Variants in ZACN observed in about 807,000 individuals in gnomAD.
The protein encoded by ZACN is zinc activated ion channel, also known as ligand-gated cation channel ZACN.
A neutral mutation model predicts 38.9 loss-of-function variants in ZACN; 52 were observed. That is an observed-to-expected ratio of 1.34 (90% CI 1.07 to 1.68). ZACN has a LOEUF of 1.68. Among genes scored for constraint, ZACN ranks in the 40% most tolerant of loss-of-function variants. ZACN has a pLI of 0.00. For synonymous variants in ZACN, 235 were observed against 227.4 expected (o/e 1.03, Z -0.30); for missense variants, 559 against 525.6 (o/e 1.06, Z -0.62).
intron 8 of ZACN, 87 bp downstream of exon 8, chr17:76,082,136 G>C (rs963434082): frequency 4.1e-5 from 60 of 1,448,776 alleles, no homozygotes; most frequent in Admixed American, 5.4e-5. Context: ...TGTGGGTAGA[G>C]GCCCCTTGCA....
At position 76,080,307 on chromosome 17, in the gene ZACN, G is replaced by A. The variant is rs202236062; in HGVS notation, c.427G>A (p.Gly143Ser). 25 of 1,613,796 alleles carry A rather than the reference G, an allele frequency of 1.5e-5. No individual in the cohort carries two copies. Among genetic ancestry groups the A allele is most frequent in the Middle Eastern group, 1.6e-4 (1 of 6,062 alleles). ...QSPQARVDQDGHVKLNLALAT... is the reference protein window; with the variant it reads ...QSPQARVDQDSHVKLNLALAT... ...CCCCCAGGCTCGAGTAGACCAGGACGGCCACGTGAAGCTCAACCTGGCCCT... is the reference window on the plus strand; with the variant it reads ...CCCCCAGGCTCGAGTAGACCAGGACAGCCACGTGAAGCTCAACCTGGCCCT... The change falls in exon 5 of 9, where the codon GGC (glycine) becomes AGC (serine). Residue 143 changes from glycine to serine, a missense_variant. Coordinates refer to ENST00000334586, the MANE Select transcript of ZACN (RefSeq NM_180990.4).
rs951183698 is a variant in ZACN at position 76,082,777 on chromosome 17, G to A, written c.*124G>A. ...CTCCCTCCGCTAGCACACAAGCACA[G>A]AGCGTGAAATAAACCCATCTCCAGT... On this transcript the variant is annotated 3_prime_UTR_variant, in exon 9 of 9. Transcript: ENST00000334586. 6 of 962,954 alleles carry A rather than the reference G, an allele frequency of 6.2e-6. No homozygotes were observed. The African/African-American group carries it at 8.3e-5, about 13-fold the overall frequency. 59.7% of individuals were successfully genotyped at this position (962,954 alleles called of 1,614,324 possible).
At chr17:76,079,667 G>A (rs548207801) in intron 2 of ZACN, 35 bp from the exon 3 acceptor site, 58 of 1,611,566 alleles carry the variant, frequency 3.6e-5, no homozygotes, top group Non-Finnish European at 4.4e-5. Context: ...TCAACACAGC[G>A]CTCACCCTGA....
Position 76,080,427 on chromosome 17 carries a change from G to A in ZACN, c.544+3G>A. 6.2e-7 allele frequency: 1 copy of A among 1,613,506 alleles called. No individual in the cohort carries two copies. Among genetic ancestry groups the A allele is most frequent in the Non-Finnish European group, 8.5e-7 (1 of 1,179,974 alleles). On this transcript the variant is annotated splice_donor_region_variant and intron_variant, in intron 5 of 8. Transcript: ENST00000334586. The stretch of plus-strand genomic sequence containing the variant: ...CTTCTACGCTCTCAGCAACACGGGT[G>A]CTGACAGGGCAGGGGCTGCAGGGTT...
chr17:76,080,102 C>T (rs1242943151), intron 4 of ZACN, 108 bp downstream of exon 4: 9 of 1,468,578 alleles, frequency 6.1e-6, no homozygotes, highest in South Asian at 5.2e-5. Context: ...TGGCGGTCCC[C>T]GCCGGACTAG....
At position 76,080,402 on chromosome 17, in the gene ZACN, C is replaced by T; in HGVS notation, c.522C>T (p.Ser174=). The T allele has an allele frequency of 6.2e-7, 1 of 1,614,032 alleles. No individual in the cohort carries two copies. Among genetic ancestry groups the T allele is most frequent in the East Asian group, 2.2e-5 (1 of 44,878 alleles). Residue 174 remains serine, a synonymous_variant, in exon 5 of 9, where the codon AGC becomes AGT. Transcript: ENST00000334586. ...FPRDHSNCSL[S]FYALSNTAME... ...GGGACCACAGCAACTGCAGCCTCAG[C>T]TTCTACGCTCTCAGCAACACGGGTG...
chr17:76,082,357 T>G (rs2067018219), intron 8 of ZACN, 106 bp from the exon 9 acceptor site: 2 of 1,229,906 alleles, frequency 1.6e-6, no homozygotes, highest in East Asian at 4.8e-5. Context: ...CAGCTGAGAA[T>G]CTAAGAAAGG....
In ZACN at chr17:76,082,139, C is replaced by T; in HGVS notation, c.1048+90C>T. 4 of 1,414,702 alleles carry T rather than the reference C, an allele frequency of 2.8e-6. No individual in the cohort carries two copies. In the South Asian group the frequency reaches 4.0e-5, roughly 14 times the overall value. The allele number at this position is 1,414,702 out of a possible 1,614,324, so 87.6% of individuals were successfully genotyped here. A position where few individuals can be genotyped will look rare whatever the true frequency, so the allele number is the denominator to read the frequency against. On this transcript the variant is annotated intron_variant, in intron 8 of 8. Transcript: ENST00000334586. ...CGGAGGTCCAGGTGTGGGTAGAGGC[C>T]CCTTGCATCCACCCTGCTGGCTCTC...
intron 8 of ZACN, 147 bp downstream of exon 8, chr17:76,082,196 T>C (rs1288360449): frequency 1.9e-6 from 2 of 1,079,864 alleles, no homozygotes; most frequent in East Asian, 2.6e-5. Flanking sequence ...TCCTCCTCCC[T>C]TAGAAGAAAC....
chr17:76,081,270 C>G lies in ZACN; in HGVS notation c.545-8C>G. ...TCCTGGTTCATAGTTCTCATTCCCACCCCTCAGCGATGGAGTTAGAGTTCC... is the reference window on the plus strand; with the variant it reads ...TCCTGGTTCATAGTTCTCATTCCCAGCCCTCAGCGATGGAGTTAGAGTTCC... On this transcript the variant is annotated splice_region_variant and splice_polypyrimidine_tract_variant and intron_variant, in intron 5 of 8. Transcript: ENST00000334586. The G allele has an allele frequency of 6.2e-7, 1 of 1,613,382 alleles. No homozygotes were observed. Among genetic ancestry groups the G allele is most frequent in the Non-Finnish European group, 8.5e-7 (1 of 1,179,874 alleles).
chr17:76,082,327 G>A, intron 8 of ZACN, 136 bp from the exon 9 acceptor site: 1 of 992,188 alleles, frequency 1.0e-6, no homozygotes. Flanking sequence ...GCCTGAAATG[G>A]GCCAGACCCA....
chr17:76,080,787 CAG>C, intron 5 of ZACN: 1 of 486,158 alleles, frequency 2.1e-6, no homozygotes, highest in Non-Finnish European at 4.1e-6. Context: ...ATGGCGACTG[CAG>C]TGGCTCGGCC....
In ZACN at chr17:76,082,290, A is replaced by C. The variant is rs947134528; in HGVS notation, c.1049-173A>C. ...TGATAACCCATGCCTTGCACAGCCT[A>C]AGAGGGTGTTTCTTCAACTGAAGAT... On this transcript the variant is annotated intron_variant, in intron 8 of 8. Coordinates refer to ENST00000334586, the MANE Select transcript of ZACN (RefSeq NM_180990.4). 7 of 788,526 alleles carry C rather than the reference A, an allele frequency of 8.9e-6. No individual in the cohort carries two copies. In the African/African-American group the frequency reaches 1.0e-4, roughly 12 times the overall value. 48.8% of individuals were successfully genotyped at this position (788,526 alleles called of 1,614,324 possible).
intron 3 of ZACN, 27 bp from the exon 4 acceptor site, chr17:76,079,861 G>C (rs1284530568): frequency 1.3e-6 from 2 of 1,587,478 alleles, no homozygotes. Flanking sequence ...GAGAGCAGGA[G>C]CCTCAGTGGT....
At chr17:76,080,501 G>A (rs764511927) in intron 5 of ZACN, 77 bp downstream of exon 5, 1 of 1,575,722 alleles carries the variant, frequency 6.3e-7, no homozygotes, top group African/African-American at 1.3e-5. Flanking sequence ...GGTCTGTGGT[G>A]CAGGGGCAGG....
intron 8 of ZACN, 61 bp downstream of exon 8, chr17:76,082,110 G>A: frequency 6.6e-7 from 1 of 1,521,088 alleles, no homozygotes. Flanking sequence ...CTGGGGTGAG[G>A]GCACGGAGGT....
Position 76,079,552 on chromosome 17 carries a change from G to A in ZACN, c.211G>A (p.Val71Met), listed in dbSNP as rs372863119. The change falls in exon 2 of 9, where the codon GTG becomes ATG. Residue 71 changes from valine to methionine, a missense_variant. By Grantham distance (21) the Val-to-Met change is conservative. Coordinates refer to ENST00000334586, the MANE Select transcript of ZACN (RefSeq NM_180990.4). ...GGATGTGCGGGTGTTTGTCTCCAAC[G>A]TGTTTAATGTGGTAAGTGCCTCTAG... Reference protein sequence around the residue: ...LVDVRVFVSNVFNVDILRYTM... With the variant: ...LVDVRVFVSNMFNVDILRYTM... The A allele has an allele frequency of 1.6e-5, 26 of 1,614,082 alleles. No homozygotes were observed. The African/African-American group carries it at 2.8e-4, about 17-fold the overall frequency.
chr17:76,081,704 T>A lies in ZACN; in HGVS notation c.829T>A (p.Ser277Thr), dbSNP rs2066985718. The A allele has an allele frequency of 6.2e-7, 1 of 1,614,000 alleles. No homozygotes were observed. The highest frequency in any genetic ancestry group is 1.3e-5 in the African/African-American group (1 of 74,998). ...GCTGCTGAGTTACCTCGTCCTCCAC[T>A]CCTCCCTGGTGCAGGCCCTGCCCAG... ...TLLLSYLVLHSSLVQALPSSS... is the reference protein window; with the variant it reads ...TLLLSYLVLHTSLVQALPSSS... The change falls in exon 7 of 9, where the codon TCC (serine) becomes ACC (threonine). Residue 277 changes from serine (S) to threonine (T), a missense_variant. By Grantham distance (58) the Ser-to-Thr change is moderately conservative. Transcript: ENST00000334586.
Position 76,079,921 on chromosome 17 carries a change from A to G in ZACN, c.301A>G (p.Ser101Gly). The G allele has an allele frequency of 6.2e-7, 1 of 1,600,714 alleles. No individual in the cohort carries two copies. The highest frequency in any genetic ancestry group is 8.5e-7 in the Non-Finnish European group (1 of 1,173,628). The change falls in exon 4 of 9, where the codon AGT becomes GGT. Residue 101 changes from serine (S) to glycine (G), a missense_variant. By Grantham distance (56) the Ser-to-Gly change is moderately conservative. Transcript: ENST00000334586. Reference protein sequence around the residue: ...WLDTRLAWNTSAHPRHAITLP... With the variant: ...WLDTRLAWNTGAHPRHAITLP... The stretch of plus-strand genomic sequence containing the variant: ...GGACACTCGCCTGGCCTGGAACACT[A>G]GTGCACACCCGCGGCACGCCATCAC...
Sources: allele counts gnomAD v4.1 joint callset, GRCh38; gene constraint gnomAD v4.1.1; transcripts MANE v1.5; gene names NCBI Gene and HGNC (gene_info 2026-07-23, HGNC 2026-07-21).